Variants in CD2AP observed in about 807,000 individuals in gnomAD.
The protein encoded by CD2AP is CD2-associated protein.
CD2AP carries 46 observed loss-of-function variants against 85.1 expected under a neutral mutation model. That is an observed-to-expected ratio of 0.54 (90% CI 0.43 to 0.69). The LOEUF (loss-of-function observed/expected upper bound fraction) is 0.69. Among genes scored for constraint, CD2AP ranks in the 30% least tolerant of loss-of-function variants. The probability of loss-of-function intolerance (pLI) is 0.00; values close to 1 mark genes in which losing one functional copy is unlikely to be tolerated. For synonymous variants in CD2AP, 255 were observed against 252.9 expected, an observed-to-expected ratio of 1.01 and a Z score of -0.08; for missense variants, 769 against 729.5, an observed-to-expected ratio of 1.05 and a Z score of -0.62.
chr6:47,525,140 A>AT (rs1302865317), intron 2 of CD2AP, among the ~76,000 whole-genome samples: 2 of 152,104 alleles, frequency 1.3e-5, no homozygotes, highest in Non-Finnish European at 2.9e-5. Flanking sequence ...TAAATCAATC[A>AT]TTTCTAGACT....
intron 5 of CD2AP, among the ~76,000 whole-genome samples, chr6:47,565,598 A>G (rs1030992098): frequency 1.3e-5 from 2 of 151,860 alleles, no homozygotes; most frequent in Non-Finnish European, 2.9e-5. Context: ...GCTCCATGTA[A>G]TCTTCCCCAT....
intron 2 of CD2AP, among the ~76,000 whole-genome samples, chr6:47,515,183 C>T (rs1281711137): frequency 6.6e-6 from 1 of 151,872 alleles, no homozygotes; most frequent in Admixed American, 6.6e-5. Context: ...ACTACTTTGG[C>T]TGAATGAAAG....
At chr6:47,501,165 T>C (rs1197222819) in intron 1 of CD2AP, among the ~76,000 whole-genome samples, 2 of 152,124 alleles carry the variant, frequency 1.3e-5, no homozygotes, top group Non-Finnish European at 2.9e-5. Flanking sequence ...GGTGGGAGGA[T>C]CGCTTGAGCC....
intron 2 of CD2AP, among the ~76,000 whole-genome samples, chr6:47,524,975 T>G (rs1766685196): frequency 6.6e-6 from 1 of 152,158 alleles, no homozygotes; most frequent in Admixed American, 6.5e-5. Context: ...ACTTAAGTGC[T>G]TTAGTGAATA....
At chr6:47,578,619 C>T (rs1768375242) in intron 8 of CD2AP, among the ~76,000 whole-genome samples, 1 of 151,634 alleles carries the variant, frequency 6.6e-6, no homozygotes, top group Non-Finnish European at 1.5e-5. Context: ...TATTCTCCCT[C>T]TCCACCTTCC....
At position 47,589,379 on chromosome 6, in the gene CD2AP, T is replaced by TACACACACAC. The variant is rs1554182232; in HGVS notation, c.1109-6476_1109-6467dup. ...TTTGATGACCAGGAACTCTTGAATA[T>TACACACACAC]ACACACACACACACAAATGTATATA... On this transcript the variant is annotated intron_variant, in intron 11 of 17. Transcript: ENST00000359314. Among the ~76,000 whole-genome samples the TACACACACAC allele has an allele frequency of 6.2e-4, 86 of 139,428 alleles. 1 individual carries two copies. The highest frequency in any genetic ancestry group is 1.9e-3 in the African/African-American group (72 of 37,886). The allele number at this position is 139,428 out of a possible 152,430, so 91.5% of individuals were successfully genotyped here.
rs184397953 is a variant in CD2AP, at chr6:47,488,824, G to A, written c.4+10576G>A. 4.4e-3 allele frequency among the ~76,000 whole-genome samples: 670 copies of A among 152,064 alleles called. 5 individuals are homozygous for A. The highest frequency in any genetic ancestry group is 0.015 in the African/African-American group (628 of 41,502). ...GAGCATTACTTGAGCCTGGAAGGTCGAGGCTACAGCGAGCCATGATTGTGC... is the reference window on the plus strand; with the variant it reads ...GAGCATTACTTGAGCCTGGAAGGTCAAGGCTACAGCGAGCCATGATTGTGC... On this transcript the variant is annotated intron_variant, in intron 1 of 17. Transcript: ENST00000359314.
intron 16 of CD2AP, 124 bp downstream of exon 16, chr6:47,609,428 G>C: frequency 1.4e-6 from 1 of 736,046 alleles, no homozygotes; most frequent in Non-Finnish European, 2.3e-6. Context: ...TGTAATCCCA[G>C]CACTTTGGGA....
chr6:47,571,948 T>A (rs1202820691), intron 5 of CD2AP, among the ~76,000 whole-genome samples: 1 of 152,180 alleles, frequency 6.6e-6, no homozygotes, highest in Non-Finnish European at 1.5e-5. Context: ...CTCGTTAAAG[T>A]AGAACTTCTC....
chr6:47,550,940 C>T (rs1767502132), intron 4 of CD2AP, among the ~76,000 whole-genome samples: 3 of 152,144 alleles, frequency 2.0e-5, no homozygotes. Context: ...GAATGAAAAA[C>T]CAAACATCAT....
chr6:47,596,672 T>C (rs1562049578), intron 12 of CD2AP, among the ~76,000 whole-genome samples: 1 of 152,250 alleles, frequency 6.6e-6, no homozygotes. Flanking sequence ...ATTGATACTT[T>C]AGGTTGCTTC....
rs116567946 is a variant in CD2AP at position 47,479,679 on chromosome 6, C to T, written c.4+1431C>T. Among the ~76,000 whole-genome samples the T allele has an allele frequency of 9.3e-3, 1,422 of 152,308 alleles. 24 individuals are homozygous for T. Among genetic ancestry groups the T allele is most frequent in the African/African-American group, 0.033 (1,362 of 41,548 alleles). On this transcript the variant is annotated intron_variant, in intron 1 of 17. Transcript: ENST00000359314. ...TAAGATAATACTAAAGTTAATTACA[C>T]AGTTCTTTTCTGTCTTAAATGGGAT...
At chr6:47,484,428 C>A (rs1765517972) in intron 1 of CD2AP, among the ~76,000 whole-genome samples, 1 of 151,642 alleles carries the variant, frequency 6.6e-6, no homozygotes, top group South Asian at 2.1e-4. Context: ...CTCTTCCTGA[C>A]CATTTTCACT....
rs773216411 is a variant in CD2AP, at chr6:47,579,479, A to C, written c.998A>C (p.Lys333Thr). The change falls in exon 9 of 18, where the codon AAA becomes ACA. Residue 333 changes from lysine (K) to threonine (T), a missense_variant. By Grantham distance (78) the Lys-to-Thr change is moderately conservative. Transcript: ENST00000359314. The part of the protein sequence containing the change: ...NFAVQINELD[K>T]DFPKPKKPPP... ...GCTGTCCAGATAAATGAACTTGATA[A>C]AGACTTTCCAGTAAGCTTTTGTTTT... 5.0e-6 allele frequency: 8 copies of C among 1,584,728 alleles called. No homozygotes were observed. In the Admixed American group the frequency reaches 1.0e-4, roughly 20 times the overall value.
intron 4 of CD2AP, among the ~76,000 whole-genome samples, chr6:47,553,465 G>C (rs917852693): frequency 3.3e-5 from 5 of 149,298 alleles, no homozygotes; most frequent in Admixed American, 1.3e-4. Flanking sequence ...TCCTGCCTCA[G>C]CTTCCCAGCT....
intron 12 of CD2AP, 100 bp from the exon 13 acceptor site, chr6:47,599,201 T>G: frequency 1.1e-6 from 1 of 923,658 alleles, no homozygotes; most frequent in East Asian, 2.5e-5. Flanking sequence ...CAGAAAGTAA[T>G]CGGTATTAGG....
chr6:47,487,901 G>C (rs1765605101), intron 1 of CD2AP, among the ~76,000 whole-genome samples: 2 of 152,002 alleles, frequency 1.3e-5, no homozygotes, highest in Non-Finnish European at 1.5e-5. Flanking sequence ...TTAATTTGGA[G>C]TAATTGGGTA....
At chr6:47,555,084 GT>G (rs1262629643) in intron 5 of CD2AP, among the ~76,000 whole-genome samples, 3 of 152,104 alleles carry the variant, frequency 2.0e-5, no homozygotes, top group African/African-American at 7.2e-5. Flanking sequence ...GGTCTGCTGA[GT>G]TTGCAAATGG....
intron 11 of CD2AP, among the ~76,000 whole-genome samples, chr6:47,586,371 GA>G (rs1768631051): frequency 6.6e-6 from 1 of 152,032 alleles, no homozygotes; most frequent in African/African-American, 2.4e-5. Context: ...AAAATGTATA[GA>G]AAAAAAGTGA....
Sources: allele counts gnomAD v4.1 joint callset (sites outside exome capture counted in the v4.1 genomes callset), GRCh38; gene constraint gnomAD v4.1.1; transcripts MANE v1.5; gene names NCBI Gene and HGNC (gene_info 2026-07-23, HGNC 2026-07-21).